The following CRB1 variants were observed in gnomAD, a reference collection of about 807,000 sequenced individuals.
CRB1 encodes the protein crumbs cell polarity complex component 1, also known as protein crumbs homolog 1.
In CRB1, 83 loss-of-function variants were observed where a neutral mutation model predicts 120.0. That is an observed-to-expected ratio of 0.69 (90% confidence interval 0.58 to 0.83). The LOEUF (loss-of-function observed/expected upper bound fraction) is 0.83, where lower values mean the gene tolerates loss of function less well. CRB1 is among the 40% of genes least tolerant of loss of function. The pLI is 0.00. For synonymous variants in CRB1, 625 were observed against 612.5 expected (o/e 1.02, Z -0.30); for missense variants, 1,699 against 1,687.6 (o/e 1.01, Z -0.12).
At position 197,421,124 on chromosome 1, in the gene CRB1, T is replaced by C. The variant is rs1424723633; in HGVS notation, c.1296T>C (p.Phe432=). 1 of 1,614,212 alleles carries C rather than the reference T, an allele frequency of 6.2e-7. No homozygotes were observed. Among genetic ancestry groups the C allele is most frequent in the Non-Finnish European group, 8.5e-7 (1 of 1,180,030 alleles). The part of the protein sequence containing the change: ...HCPFDNLSRT[F]YGGRDCSDIL... ...CATTTGATAACCTTTCTAGAACTTT[T>C]TATGGAGGAAGGGACTGTTCTGATA... Residue 432 remains phenylalanine (F), a synonymous_variant, in exon 6 of 12, where the codon TTT becomes TTC. Coordinates refer to ENST00000367400, the MANE Select transcript of CRB1 (RefSeq NM_201253.3).
chr1:197,428,859 C>G, intron 7 of CRB1: 2 of 1,070,114 alleles, frequency 1.9e-6, no homozygotes, highest in Non-Finnish European at 2.6e-6. Flanking sequence ...ATAGTAGACC[C>G]AGGACAAACA....
chr1:197,367,448 A>G (rs1286990166), intron 5 of CRB1, among the ~76,000 whole-genome samples: 1 of 152,200 alleles, frequency 6.6e-6, no homozygotes, highest in East Asian at 1.9e-4. Flanking sequence ...ATAAGAACCC[A>G]AACAGCTTGA....
intron 5 of CRB1, among the ~76,000 whole-genome samples, chr1:197,365,137 C>T (rs1461081235): frequency 1.3e-5 from 2 of 152,124 alleles, no homozygotes; most frequent in East Asian, 1.9e-4. Flanking sequence ...CTTGGCTTAC[C>T]TTGTGCCATT....
intron 11 of CRB1, among the ~76,000 whole-genome samples, chr1:197,455,816 G>A (rs1417268756): frequency 6.6e-6 from 1 of 151,948 alleles, no homozygotes. Flanking sequence ...AGGTTATAAA[G>A]ATCATGGCTG....
At chr1:197,320,480 A>G (rs1334899942) in intron 1 of CRB1, among the ~76,000 whole-genome samples, 1 of 152,212 alleles carries the variant, frequency 6.6e-6, no homozygotes, top group Non-Finnish European at 1.5e-5. Context: ...CATAGAAAAA[A>G]GCAAAGGCCT....
At chr1:197,341,274 G>T (rs1230150733) in intron 2 of CRB1, among the ~76,000 whole-genome samples, 1 of 152,316 alleles carries the variant, frequency 6.6e-6, no homozygotes, top group Non-Finnish European at 1.5e-5. Flanking sequence ...CAGACGCAGT[G>T]GCTCATGCCT....
the CRB1 span, among the ~76,000 whole-genome samples, chr1:197,252,582 A>ATGTGTGTGTGTGTGTGTGTGTG: frequency 6.4e-5 from 1 of 15,506 alleles, no homozygotes; most frequent in Non-Finnish European, 1.4e-4. Flanking sequence ...ATATATATAT[A>ATGTGTGTGTGTGTGTGTGTGTG]TGTGTGTGTG....
chr1:197,237,479 C>T, the CRB1 span, among the ~76,000 whole-genome samples: 4 of 152,102 alleles, frequency 2.6e-5, no homozygotes, highest in Non-Finnish European at 5.9e-5. Flanking sequence ...AAGGGCCCCA[C>T]CTCTTAATAT....
intron 1 of CRB1, among the ~76,000 whole-genome samples, chr1:197,287,742 G>C (rs1174826401): frequency 6.6e-6 from 1 of 151,794 alleles, no homozygotes. Flanking sequence ...GATCCACCTG[G>C]AATTATTTCC....
At chr1:197,396,985 A>G (rs916305879) in intron 5 of CRB1, among the ~76,000 whole-genome samples, 2 of 152,134 alleles carry the variant, frequency 1.3e-5, no homozygotes, top group South Asian at 2.1e-4. Flanking sequence ...TCTTTGAAAG[A>G]CACTTAAAAA....
At chr1:197,321,370 A>T (rs138594869) in intron 1 of CRB1, among the ~76,000 whole-genome samples, 1 of 152,328 alleles carries the variant, frequency 6.6e-6, no homozygotes, top group East Asian at 1.9e-4. Context: ...TATATTCATG[A>T]TGACTTCCAA....
Position 197,421,084 on chromosome 1 carries a change from A to C in CRB1, c.1256A>C (p.Tyr419Ser), listed in dbSNP as rs1337072504. The change falls in exon 6 of 12, where the codon TAT becomes TCT. Residue 419 changes from tyrosine (Y) to serine (S), a missense_variant. By Grantham distance (144) the Tyr-to-Ser change is moderately radical (BLOSUM62 -2). Coordinates refer to ENST00000367400, the MANE Select transcript of CRB1 (RefSeq NM_201253.3). Reference sequence around the variant, plus strand: ...ACTTGTGAGAACTTGCCTGGGAATTATACTTGCCATTGCCCATTTGATAAC... The same window carrying C: ...ACTTGTGAGAACTTGCCTGGGAATTCTACTTGCCATTGCCCATTTGATAAC... ...GGTCENLPGN[Y>S]TCHCPFDNLS... The C allele has an allele frequency of 6.2e-7, 1 of 1,614,224 alleles. No homozygotes were observed. The highest frequency in any genetic ancestry group is 1.1e-5 in the South Asian group (1 of 91,088).
chr1:197,336,406 A>G (rs1300536628), intron 2 of CRB1, among the ~76,000 whole-genome samples: 4 of 151,350 alleles, frequency 2.6e-5, no homozygotes, highest in African/African-American at 9.8e-5. Context: ...AAAATAAAAT[A>G]TGTTATTAAA....
At chr1:197,286,231 GCA>G (rs1655817507) in intron 1 of CRB1, among the ~76,000 whole-genome samples, 1 of 151,852 alleles carries the variant, frequency 6.6e-6, no homozygotes, top group African/African-American at 2.4e-5. Context: ...CTATCAAAGG[GCA>G]CAGTCTTTTC....
chr1:197,249,743 A>G, the CRB1 span, among the ~76,000 whole-genome samples: 1 of 152,042 alleles, frequency 6.6e-6, no homozygotes, highest in African/African-American at 2.4e-5. Flanking sequence ...AGGCAGAGGC[A>G]GAAAATTAGG....
At chr1:197,368,576 G>A (rs1661204040) in intron 5 of CRB1, among the ~76,000 whole-genome samples, 1 of 152,124 alleles carries the variant, frequency 6.6e-6, no homozygotes, top group Non-Finnish European at 1.5e-5. Context: ...TAGCAAGGAG[G>A]AAAATTTAAA....
chr1:197,272,151 C>T (rs1327878184), intron 1 of CRB1, among the ~76,000 whole-genome samples: 1 of 152,078 alleles, frequency 6.6e-6, no homozygotes, highest in African/African-American at 2.4e-5. Context: ...TGATGTTATT[C>T]ATTAGGGAGT....
chr1:197,227,950 G>C, the CRB1 span, among the ~76,000 whole-genome samples: 1 of 152,206 alleles, frequency 6.6e-6, no homozygotes, highest in African/African-American at 2.4e-5. Flanking sequence ...AGCTGCCAAG[G>C]TTTGGGGCTT....
chr1:197,465,011 T>C (rs1666692707), intron 11 of CRB1, among the ~76,000 whole-genome samples: 1 of 152,210 alleles, frequency 6.6e-6, no homozygotes, highest in Non-Finnish European at 1.5e-5. Context: ...CCACCTTTCC[T>C]TGGGCAAGGG....
Sources: gnomAD v4.1 joint callset for allele counts (sites outside exome capture counted in the v4.1 genomes callset) on GRCh38, gnomAD v4.1.1 for gene constraint, MANE v1.5 for transcripts, NCBI Gene and HGNC (gene_info 2026-07-23, HGNC 2026-07-21) for gene names.